The following TENM2 variants were observed in gnomAD, a reference collection of about 807,000 sequenced individuals.
The protein encoded by TENM2 is teneurin transmembrane protein 2.
A neutral mutation model predicts 245.2 loss-of-function variants in TENM2; 52 were observed. The observed-to-expected ratio is 0.21, with a 90% CI of 0.17 to 0.27. TENM2 has a LOEUF of 0.27. Among genes scored for constraint, TENM2 ranks in the 10% least tolerant of loss-of-function variants. The pLI, the probability that TENM2 is intolerant of heterozygous loss-of-function variation, is 1.00. For missense variants in TENM2, 3,046 were observed against 3,666.8 expected (o/e 0.83, Z 4.37); for synonymous variants, 1,363 against 1,438.9 (o/e 0.95, Z 1.19).
rs188008020 is a variant in TENM2, at chr5:167,308,760, C to T, written c.226+23697C>T. 2.6e-5 allele frequency among the ~76,000 whole-genome samples: 4 copies of T among 152,286 alleles called. No individual in the cohort carries two copies. In the East Asian group the frequency reaches 7.7e-4, roughly 29 times the overall value. ...GCTGTCGGGCTCTGCTCGTGGTGTTCTCTCTCTAAGAAATGAAGTCTGCCA... is the reference window on the plus strand; with the variant it reads ...GCTGTCGGGCTCTGCTCGTGGTGTTTTCTCTCTAAGAAATGAAGTCTGCCA... On this transcript the variant is annotated intron_variant, in intron 1 of 28. Transcript: ENST00000518659.
chr5:167,210,443 T>C, the TENM2 span, among the ~76,000 whole-genome samples: 2 of 151,202 alleles, frequency 1.3e-5, no homozygotes, highest in African/African-American at 4.9e-5. Flanking sequence ...GTTTGCACTT[T>C]TCACTGCATT....
intron 1 of TENM2, among the ~76,000 whole-genome samples, chr5:167,319,941 A>G (rs1396473984): frequency 6.6e-6 from 1 of 152,184 alleles, no homozygotes; most frequent in Non-Finnish European, 1.5e-5. Flanking sequence ...GCAAATACTT[A>G]TTAAAACCTC....
the TENM2 span, among the ~76,000 whole-genome samples, chr5:167,198,071 C>A: frequency 2.6e-5 from 4 of 151,922 alleles, no homozygotes; most frequent in Non-Finnish European, 5.9e-5. Flanking sequence ...ATAATCTTCA[C>A]TAGAGACTAC....
At chr5:166,983,405 A>G in the TENM2 span, among the ~76,000 whole-genome samples, 2 of 152,088 alleles carry the variant, frequency 1.3e-5, no homozygotes, top group Admixed American at 6.6e-5. Flanking sequence ...TCTCCTAAGT[A>G]TAGAATTACG....
At chr5:167,599,755 A>G (rs1347036780) in intron 2 of TENM2, among the ~76,000 whole-genome samples, 2 of 152,078 alleles carry the variant, frequency 1.3e-5, no homozygotes, top group African/African-American at 4.8e-5. Flanking sequence ...GATTTTTTAG[A>G]AAATTGTTCA....
At chr5:167,327,236 T>A (rs918985543) in intron 1 of TENM2, among the ~76,000 whole-genome samples, 1 of 152,164 alleles carries the variant, frequency 6.6e-6, no homozygotes, top group East Asian at 1.9e-4. Context: ...CCATGTGTTC[T>A]CATTGTTCAG....
At chr5:167,552,571 A>G (rs1212288987) in intron 2 of TENM2, among the ~76,000 whole-genome samples, 1 of 152,168 alleles carries the variant, frequency 6.6e-6, no homozygotes, top group Non-Finnish European at 1.5e-5. Flanking sequence ...CATTGTGCAG[A>G]CACCTATTGA....
intron 28 of TENM2, 69 bp from the exon 31 acceptor site, chr5:168,261,980 T>A: frequency 6.7e-7 from 1 of 1,486,036 alleles, no homozygotes; most frequent in Non-Finnish European, 9.2e-7. Context: ...AGCCTTTCTC[T>A]TTGTGACTCT....
chr5:167,407,362 G>T (rs770477612), intron 2 of TENM2, among the ~76,000 whole-genome samples: 2 of 152,128 alleles, frequency 1.3e-5, no homozygotes, highest in Non-Finnish European at 2.9e-5. Context: ...AGTTAAAGGA[G>T]CTGAGCTGTG....
intron 2 of TENM2, among the ~76,000 whole-genome samples, chr5:167,533,366 A>G (rs1038872435): frequency 2.0e-5 from 3 of 152,128 alleles, no homozygotes; most frequent in South Asian, 4.1e-4. Flanking sequence ...CTTGAGTACA[A>G]TGGGTTATGG....
the TENM2 span, among the ~76,000 whole-genome samples, chr5:167,039,980 T>C: frequency 1.3e-5 from 2 of 152,202 alleles, no homozygotes; most frequent in Non-Finnish European, 2.9e-5. Flanking sequence ...CTTCTGTTTC[T>C]GGTATTTACA....
the TENM2 span, among the ~76,000 whole-genome samples, chr5:167,232,562 A>C: frequency 6.6e-6 from 1 of 151,914 alleles, no homozygotes; most frequent in Admixed American, 6.6e-5. Context: ...TAGTAGAGAC[A>C]GGGTTTCCCC....
intron 13 of TENM2, among the ~76,000 whole-genome samples, chr5:168,175,109 C>T (rs112223055): frequency 2.0e-5 from 3 of 152,146 alleles, no homozygotes; most frequent in African/African-American, 7.2e-5. Flanking sequence ...GAGCAAAGGA[C>T]CTAACGTGTC....
At chr5:167,952,855 C>T in intron 4 of TENM2, 33 bp downstream of exon 6, 4 of 1,525,588 alleles carry the variant, frequency 2.6e-6, no homozygotes, top group Non-Finnish European at 3.6e-6. Flanking sequence ...CAGTCACACT[C>T]AGTGTCACCT....
chr5:167,375,360 G>T (rs1268920281), exon 2 of TENM2: 17 of 1,551,692 alleles, frequency 1.1e-5, no homozygotes, highest in Non-Finnish European at 1.5e-5. Context: ...CACGCCATCA[G>T]ACTGTGGGGC....
At chr5:167,305,999 T>G (rs1176890667) in intron 1 of TENM2, among the ~76,000 whole-genome samples, 1 of 152,160 alleles carries the variant, frequency 6.6e-6, no homozygotes, top group Non-Finnish European at 1.5e-5. Flanking sequence ...GTCGCTGGCT[T>G]CTCAGTGGGA....
At chr5:167,106,440 A>G in the TENM2 span, among the ~76,000 whole-genome samples, 1 of 152,210 alleles carries the variant, frequency 6.6e-6, no homozygotes, top group Non-Finnish European at 1.5e-5. Context: ...TGTTGAGTGT[A>G]TTATTAATAA....
chr5:167,316,412 A>C (rs1756367261), intron 1 of TENM2, among the ~76,000 whole-genome samples: 3 of 152,208 alleles, frequency 2.0e-5, no homozygotes, highest in Non-Finnish European at 4.4e-5. Flanking sequence ...TATTGGGGCC[A>C]CAACACTGTG....
At chr5:167,366,920 G>A (rs528051615) in intron 1 of TENM2, among the ~76,000 whole-genome samples, 3 of 152,064 alleles carry the variant, frequency 2.0e-5, no homozygotes, top group South Asian at 4.1e-4. Flanking sequence ...TTTTAATTTC[G>A]TTGGAATTTT....
Sources: allele counts gnomAD v4.1 joint callset (sites outside exome capture counted in the v4.1 genomes callset), GRCh38; gene constraint gnomAD v4.1.1; transcripts MANE v1.5; gene names NCBI Gene and HGNC (gene_info 2026-07-23, HGNC 2026-07-21).